The following AP3S2 variants were observed in gnomAD, a reference collection of about 807,000 sequenced individuals.
AP3S2 encodes the protein AP-3 complex subunit sigma-2.
AP3S2 carries 22 observed loss-of-function variants against 23.4 expected under a neutral mutation model. That is an observed-to-expected ratio of 0.94 (90% CI 0.67 to 1.34). The LOEUF (loss-of-function observed/expected upper bound fraction) is 1.34, where lower values mean the gene tolerates loss of function less well. Among genes scored for constraint, AP3S2 ranks in the 40% most tolerant of loss-of-function variants. AP3S2 has a pLI of 0.00. For missense variants in AP3S2, 241 were observed against 236.9 expected, an observed-to-expected ratio of 1.02 and a Z score of -0.11; for synonymous variants, 86 against 87.1, an observed-to-expected ratio of 0.99 and a Z score of 0.07.
chr15:89,861,930 T>A (rs1262962683), intron 4 of AP3S2, among the ~76,000 whole-genome samples: 1 of 152,096 alleles, frequency 6.6e-6, no homozygotes, highest in African/African-American at 2.4e-5. Context: ...CAGGCAGTAT[T>A]TAGTACATGA....
intron 4 of AP3S2, among the ~76,000 whole-genome samples, chr15:89,844,269 T>TC (rs1895426282): frequency 3.3e-4 from 4 of 12,104 alleles, no homozygotes; most frequent in African/African-American, 1.1e-3. Context: ...CTTTCTTTCT[T>TC]TCTCTCTCTC....
At chr15:89,843,883 T>C (rs1895396304) in intron 4 of AP3S2, among the ~76,000 whole-genome samples, 11 of 152,156 alleles carry the variant, frequency 7.2e-5, no homozygotes, top group Admixed American at 7.2e-4. Context: ...TACTTAACTG[T>C]AGGTCTAAGA....
intron 4 of AP3S2, among the ~76,000 whole-genome samples, chr15:89,866,174 A>C (rs1335298905): frequency 1.3e-5 from 2 of 150,126 alleles, no homozygotes; most frequent in African/African-American, 4.9e-5. Flanking sequence ...AGACAGGAGA[A>C]TCACTTGAAC....
At chr15:89,875,258 T>G (rs1241915396) in intron 3 of AP3S2, among the ~76,000 whole-genome samples, 1 of 152,166 alleles carries the variant, frequency 6.6e-6, no homozygotes, top group Non-Finnish European at 1.5e-5. Context: ...GCTGTTTTCA[T>G]TAAAGATGTT....
At position 89,835,323 on chromosome 15, in the gene AP3S2, C is replaced by G. The variant is rs531160353; in HGVS notation, c.*192G>C. On this transcript the variant is annotated 3_prime_UTR_variant, in exon 6 of 6. Coordinates refer to ENST00000336418, the MANE Select transcript of AP3S2 (RefSeq NM_005829.5). ...AACGGCATGACTGCACATGTGAGAA[C>G]TGGGTGCACCCGAGCAGTGTCAATA... 3 of 931,756 alleles carry G rather than the reference C, an allele frequency of 3.2e-6. No individual in the cohort carries two copies. Among genetic ancestry groups the G allele is most frequent in the Non-Finnish European group, 4.7e-6 (3 of 639,558 alleles). The allele number at this position is 931,756 out of a possible 1,614,324, so 57.7% of individuals were successfully genotyped here. A position where few individuals can be genotyped will look rare whatever the true frequency, so the allele number is the denominator to read the frequency against.
chr15:89,842,327 A>G (rs1320709951), intron 4 of AP3S2, among the ~76,000 whole-genome samples: 3 of 152,252 alleles, frequency 2.0e-5, no homozygotes, highest in Non-Finnish European at 4.4e-5. Context: ...ATGTAAAGAT[A>G]TGTTCATAAA....
chr15:89,860,500 A>G (rs1343401044), intron 4 of AP3S2, among the ~76,000 whole-genome samples: 2 of 152,230 alleles, frequency 1.3e-5, no homozygotes, highest in African/African-American at 2.4e-5. Flanking sequence ...GGAGCAGGAC[A>G]GAGCAACATT....
chr15:89,872,678 T>C (rs886403902), intron 3 of AP3S2, among the ~76,000 whole-genome samples: 2 of 152,136 alleles, frequency 1.3e-5, no homozygotes, highest in African/African-American at 4.8e-5. Context: ...ACAAGATGGG[T>C]GCTCATAGGC....
At chr15:89,858,007 AC>A (rs1775357960) in intron 4 of AP3S2, among the ~76,000 whole-genome samples, 1 of 152,166 alleles carries the variant, frequency 6.6e-6, no homozygotes, top group Non-Finnish European at 1.5e-5. Flanking sequence ...CAGACACACC[AC>A]AATGGCCACA....
At chr15:89,866,648 G>A (rs1896129906) in intron 4 of AP3S2, among the ~76,000 whole-genome samples, 1 of 151,926 alleles carries the variant, frequency 6.6e-6, no homozygotes, top group South Asian at 2.1e-4. Context: ...ACCAAGCCCA[G>A]CTAATTTTGC....
Position 89,893,898 on chromosome 15 carries a change from G to A in AP3S2, c.52C>T (p.Arg18Cys), listed in dbSNP as rs137953144. The A allele has an allele frequency of 2.6e-6, 4 of 1,551,612 alleles. No individual in the cohort carries two copies. In the African/African-American group the frequency reaches 5.5e-5, roughly 21 times the overall value. Residue 18 changes from arginine (R) to cysteine (C), a missense_variant, in exon 1 of 6, where the codon CGC becomes TGC. Coordinates refer to ENST00000336418, the MANE Select transcript of AP3S2 (RefSeq NM_005829.5). ...FNNHGKPRLV[R>C]FYQRFPEEIQ... ...GCACTCACGAAACGCTGGTAGAAGC[G>A]GACTAGCCGTGGCTTCCCATGGTTG... is the stretch of plus-strand genomic sequence containing the variant.
At position 89,835,732 on chromosome 15, in the gene AP3S2, AAAAC is replaced by A. The variant is rs1317403876; in HGVS notation, c.454-93_454-90del. On this transcript the variant is annotated intron_variant, in intron 5 of 5. Coordinates refer to ENST00000336418, the MANE Select transcript of AP3S2 (RefSeq NM_005829.5). ...AAAAAAAAAAAAAAAAGCAAAAACA[AAAAC>A]AAACAAGCAGGATGGGTGTGGTGGC... 1,154 of 1,487,848 alleles carry A rather than the reference AAAAC, an allele frequency of 7.8e-4. 10 individuals carry two copies. The South Asian group carries it at 0.011, about 14-fold the overall frequency. 92.2% of individuals were successfully genotyped at this position (1,487,848 alleles called of 1,614,324 possible).
intron 3 of AP3S2, among the ~76,000 whole-genome samples, chr15:89,879,870 C>T (rs542853854): frequency 2.0e-4 from 31 of 151,976 alleles, no homozygotes; most frequent in Non-Finnish European, 3.4e-4. Flanking sequence ...GCTGAGATCA[C>T]GCCACCGCAC....
At chr15:89,878,662 G>A (rs1286743175) in intron 3 of AP3S2, among the ~76,000 whole-genome samples, 1 of 152,120 alleles carries the variant, frequency 6.6e-6, no homozygotes, top group Non-Finnish European at 1.5e-5. Context: ...CTGGGCTCAA[G>A]CAATCCTTCA....
chr15:89,880,428 C>T (rs1327246908), intron 3 of AP3S2, among the ~76,000 whole-genome samples: 1 of 152,134 alleles, frequency 6.6e-6, no homozygotes, highest in Admixed American at 6.5e-5. Flanking sequence ...CAGTGGCTCA[C>T]GCCTGTAATC....
chr15:89,842,637 G>A (rs1895356613), intron 4 of AP3S2, among the ~76,000 whole-genome samples: 2 of 152,080 alleles, frequency 1.3e-5, no homozygotes, highest in South Asian at 2.1e-4. Context: ...TTTTTGAGAC[G>A]GAGTCTCGCT....
intron 4 of AP3S2, among the ~76,000 whole-genome samples, chr15:89,859,381 C>G (rs1567179200): frequency 1.8e-5 from 2 of 108,340 alleles, no homozygotes; most frequent in Non-Finnish European, 3.8e-5. Flanking sequence ...TTCCTTCCTT[C>G]CTTCCTTTTC....
intron 4 of AP3S2, among the ~76,000 whole-genome samples, chr15:89,846,977 T>C (rs1895509285): frequency 6.6e-6 from 1 of 152,196 alleles, no homozygotes; most frequent in Admixed American, 6.6e-5. Flanking sequence ...GGCCTCATTT[T>C]TTCTTTTCTA....
rs1332733096 is a variant in AP3S2 at position 89,862,665 on chromosome 15, G to A, written c.345+8810C>T. Among the ~76,000 whole-genome samples the A allele has an allele frequency of 2.0e-5, 3 of 152,178 alleles. No individual in the cohort carries two copies. In the East Asian group the frequency reaches 5.8e-4, roughly 29 times the overall value. On this transcript the variant is annotated intron_variant, in intron 4 of 5. Transcript: ENST00000336418. ...GAAAAGGTTTTGAATGTAGATGACA[G>A]AGGATGGTAGTAACACTCCTGGAAA...
Sources: gnomAD v4.1 joint callset for allele counts (sites outside exome capture counted in the v4.1 genomes callset) on GRCh38, gnomAD v4.1.1 for gene constraint, MANE v1.5 for transcripts, NCBI Gene and HGNC (gene_info 2026-07-23, HGNC 2026-07-21) for gene names.